The following GUCD1 variants were observed in gnomAD, a reference collection of about 807,000 sequenced individuals.
GUCD1 encodes guanylyl cyclase domain containing 1, also known as protein GUCD1.
A neutral mutation model predicts 28.3 loss-of-function variants in GUCD1; 17 were observed. The observed-to-expected ratio is 0.60, with a 90% CI of 0.41 to 0.90. The LOEUF (loss-of-function observed/expected upper bound fraction) is 0.90, where lower values mean the gene tolerates loss of function less well. Ranked by LOEUF, GUCD1 falls within the 40% of genes least tolerant of loss-of-function variation. The pLI is 0.00. For missense variants in GUCD1, 279 were observed against 305.5 expected (o/e 0.91, Z 0.65); for synonymous variants, 129 against 123.3 (o/e 1.05, Z -0.30).
At chr22:24,547,113 A>G in intron 3 of GUCD1, 108 bp from the exon 4 acceptor site, 1 of 837,510 alleles carries the variant, frequency 1.2e-6, no homozygotes, top group Non-Finnish European at 2.0e-6. Context: ...GCAGGAGGGC[A>G]GAGGAGCCCC....
Position 24,545,448 on chromosome 22 carries a change from TCTC to T in GUCD1, c.387-1368_387-1366del, listed in dbSNP as rs558905610. 4.6e-5 allele frequency among the ~76,000 whole-genome samples: 7 copies of T among 151,978 alleles called. No homozygotes were observed. In the South Asian group the frequency reaches 8.3e-4, roughly 18 times the overall value. ...TGCTGGGGGTGACCTTGGGTGTCTCTCTCCTCCTCAGTTTCCTCCCCCGAGAAG... is the reference window on the plus strand; with the variant it reads ...TGCTGGGGGTGACCTTGGGTGTCTCTCTCCTCAGTTTCCTCCCCCGAGAAG... On this transcript the variant is annotated intron_variant, in intron 4 of 5. Coordinates refer to ENST00000435822, the MANE Select transcript of GUCD1 (RefSeq NM_001284254.2).
Position 24,542,759 on chromosome 22 carries a change from GCTTGGGGT to G in GUCD1, c.*239_*246del, listed in dbSNP as rs752400725. The G allele has an allele frequency of 8.3e-5, 39 of 469,828 alleles. No individual in the cohort carries two copies. The highest frequency in any genetic ancestry group is 3.1e-5 in the Non-Finnish European group (8 of 254,966). The allele number at this position is 469,828 out of a possible 1,614,324, so 29.1% of individuals were successfully genotyped here. The stretch of plus-strand genomic sequence containing the variant: ...TCCTGTGGGCGCAGCTGGAGTCAAG[GCTTGGGGT>G]CTTGGGGTATGCTTCCAGCAGCCAG... On this transcript the variant is annotated 3_prime_UTR_variant, in exon 6 of 6. Transcript: ENST00000435822.
chr22:24,540,658 C>T lies in GUCD1; in HGVS notation c.*2348G>A, dbSNP rs960730650. The T allele has an allele frequency of 6.6e-6, 1 of 152,254 alleles. No homozygotes were observed. The highest frequency in any genetic ancestry group is 2.4e-5 in the African/African-American group (1 of 41,450). The allele number at this position is 152,254 out of a possible 1,614,324, so 9.4% of individuals were successfully genotyped here. On this transcript the variant is annotated 3_prime_UTR_variant, in exon 6 of 6. Coordinates refer to ENST00000435822, the MANE Select transcript of GUCD1 (RefSeq NM_001284254.2). The stretch of plus-strand genomic sequence containing the variant: ...GGCAAAAGTCCCTGATGTCCAGGCT[C>T]TCTGGCTCCATTTTCATGACTTGTG...
intron 1 of GUCD1, among the ~76,000 whole-genome samples, chr22:24,553,226 G>A (rs1293395390): frequency 6.6e-6 from 1 of 152,214 alleles, no homozygotes; most frequent in Admixed American, 6.5e-5. Flanking sequence ...GTCTAGGAGT[G>A]TCCAATCTTT....
rs1357183446 is a variant in GUCD1 at position 24,547,008 on chromosome 22, G to C, written c.295-3C>G. 3.1e-6 allele frequency: 5 copies of C among 1,611,702 alleles called. No individual in the cohort carries two copies. The highest frequency in any genetic ancestry group is 4.2e-6 in the Non-Finnish European group (5 of 1,177,960). ...TCAAAGTGCTTCCTGTAGAAGGACTGAACAGAGAAGAGGGGGATGGAGTGG... is the reference window on the plus strand; with the variant it reads ...TCAAAGTGCTTCCTGTAGAAGGACTCAACAGAGAAGAGGGGGATGGAGTGG... On this transcript the variant is annotated splice_polypyrimidine_tract_variant and splice_region_variant and intron_variant, in intron 3 of 5. Coordinates refer to ENST00000435822, the MANE Select transcript of GUCD1 (RefSeq NM_001284254.2).
rs1231357198 is a variant in GUCD1 at position 24,546,906 on chromosome 22, G to C, written c.386+8C>G. The C allele has an allele frequency of 6.2e-7, 1 of 1,612,592 alleles. No individual in the cohort carries two copies. Among genetic ancestry groups the C allele is most frequent in the South Asian group, 1.1e-5 (1 of 91,032 alleles). On this transcript the variant is annotated splice_region_variant and intron_variant, in intron 4 of 5. Coordinates refer to ENST00000435822, the MANE Select transcript of GUCD1 (RefSeq NM_001284254.2). ...AGGAAGGGCAGGTAGGAAAGTTGGG[G>C]GGCTCACCATTTCTCCACCAGCACC...
chr22:24,542,865 C>T lies in GUCD1; in HGVS notation c.*141G>A, dbSNP rs566701516. On this transcript the variant is annotated 3_prime_UTR_variant, in exon 6 of 6. Coordinates refer to ENST00000435822, the MANE Select transcript of GUCD1 (RefSeq NM_001284254.2). ...AAGCAGCTGTGCCAGTCTCCGAGTTCCTGGGACTCTGCCAGATGGGCTGAG... is the reference window on the plus strand; with the variant it reads ...AAGCAGCTGTGCCAGTCTCCGAGTTTCTGGGACTCTGCCAGATGGGCTGAG... The T allele has an allele frequency of 1.5e-5, 10 of 669,066 alleles. No homozygotes were observed. In the African/African-American group the frequency reaches 1.8e-4, roughly 12 times the overall value. 41.4% of individuals were successfully genotyped at this position (669,066 alleles called of 1,614,324 possible).
At chr22:24,552,208 A>G (rs923920890) in intron 1 of GUCD1, among the ~76,000 whole-genome samples, 2 of 152,204 alleles carry the variant, frequency 1.3e-5, no homozygotes, top group Non-Finnish European at 2.9e-5. Context: ...AGTGGCACAC[A>G]CCTGTAATCC....
rs560205400 is a variant in GUCD1 at position 24,543,172 on chromosome 22, G to A, written c.629-75C>T. 2.9e-3 allele frequency: 3,030 copies of A among 1,055,548 alleles called. 14 individuals are homozygous for A. The highest frequency in any genetic ancestry group is 4.0e-3 in the Non-Finnish European group (2,711 of 675,662). The allele number at this position is 1,055,548 out of a possible 1,614,324, so 65.4% of individuals were successfully genotyped here. ...ACCTACACCACCGACACAGTGCCCA[G>A]GGGAGCTGAGTGAGGTCTGTTTCCC... On this transcript the variant is annotated intron_variant, in intron 5 of 5. Coordinates refer to ENST00000435822, the MANE Select transcript of GUCD1 (RefSeq NM_001284254.2).
chr22:24,554,263 G>A (rs1041106544), intron 1 of GUCD1, among the ~76,000 whole-genome samples: 9 of 152,190 alleles, frequency 5.9e-5, no homozygotes, highest in African/African-American at 2.2e-4. Flanking sequence ...ACAACTGGAG[G>A]AGGAGGGTTG....
chr22:24,547,360 G>C (rs755261226), intron 3 of GUCD1: 16 of 254,388 alleles, frequency 6.3e-5, no homozygotes, highest in Non-Finnish European at 1.0e-4. Context: ...GAACCACCTG[G>C]GACAGCTCAG....
upstream of GUCD1, chr22:24,555,498 G>GC: frequency 7.9e-7 from 1 of 1,263,500 alleles, no homozygotes; most frequent in Non-Finnish European, 1.1e-6. Flanking sequence ...CATCCCCGAG[G>GC]CCCCAAGCAA....
intron 1 of GUCD1, among the ~76,000 whole-genome samples, chr22:24,554,599 C>G (rs1253954108): frequency 6.6e-6 from 1 of 152,254 alleles, no homozygotes; most frequent in Non-Finnish European, 1.5e-5. Flanking sequence ...AACGCCGAGT[C>G]TCGGAGGCCA....
In GUCD1 at chr22:24,543,961, G is replaced by A. The variant is rs748062689; in HGVS notation, c.509C>T (p.Thr170Ile). ...GCAGAAGCAGTGGTGGCCACTGGGGGTGAAGCAGCAGTACTTGACAGGGCT... is the reference window on the plus strand; with the variant it reads ...GCAGAAGCAGTGGTGGCCACTGGGGATGAAGCAGCAGTACTTGACAGGGCT... ...CSSPVKYCCF[T>I]PSGHHCFCRT... Residue 170 changes from threonine to isoleucine, a missense_variant, in exon 5 of 6, where the codon ACC becomes ATC. Transcript: ENST00000435822. 1.9e-6 allele frequency: 3 copies of A among 1,614,106 alleles called. No homozygotes were observed. Among genetic ancestry groups the A allele is most frequent in the Admixed American group, 1.7e-5 (1 of 60,014 alleles).
At chr22:24,548,766 G>A in intron 2 of GUCD1, 151 bp downstream of exon 2, 1 of 568,976 alleles carries the variant, frequency 1.8e-6, no homozygotes, top group Non-Finnish European at 3.2e-6. Context: ...CACTTTTGCA[G>A]ATGGGACTAG....
chr22:24,554,973 C>G lies in GUCD1; in HGVS notation c.19G>C (p.Ala7Pro). ...CCGGGCTCGAGCGGCGGCCCCGCTGCCTCCGCCTCCGTCCTCATGACCCGG... is the reference window on the plus strand; with the variant it reads ...CCGGGCTCGAGCGGCGGCCCCGCTGGCTCCGCCTCCGTCCTCATGACCCGG... MRTEAE[A>P]AGPPLEPGDF... Residue 7 changes from alanine (A) to proline (P), a missense_variant, in exon 1 of 6, where the codon GCA (alanine) becomes CCA (proline). Coordinates refer to ENST00000435822, the MANE Select transcript of GUCD1 (RefSeq NM_001284254.2). 6.4e-7 allele frequency: 1 copy of G among 1,562,472 alleles called. No individual in the cohort carries two copies. The highest frequency in any genetic ancestry group is 8.6e-7 in the Non-Finnish European group (1 of 1,157,866).
At chr22:24,555,817 C>T (rs761426090), upstream of GUCD1, 8 of 1,546,738 alleles carry the variant, frequency 5.2e-6, no homozygotes, top group South Asian at 9.5e-5. Context: ...GGCCCCCGGG[C>T]CCAGTCATCA....
chr22:24,554,805 G>A (rs1472494857), intron 1 of GUCD1, 144 bp downstream of exon 1: 2 of 619,974 alleles, frequency 3.2e-6, no homozygotes, highest in Non-Finnish European at 5.7e-6. Context: ...GCGAGTGTCA[G>A]GAAACCCCCA....
At chr22:24,545,860 G>A (rs2044712300) in intron 4 of GUCD1, among the ~76,000 whole-genome samples, 1 of 151,916 alleles carries the variant, frequency 6.6e-6, no homozygotes, top group Non-Finnish European at 1.5e-5. Context: ...CAAAGTGCTG[G>A]GATTACAAGC....
Sources: gnomAD v4.1 joint callset for allele counts (sites outside exome capture counted in the v4.1 genomes callset) on GRCh38, gnomAD v4.1.1 for gene constraint, MANE v1.5 for transcripts, NCBI Gene and HGNC (gene_info 2026-07-23, HGNC 2026-07-21) for gene names.